The following PCSK6 variants were observed in gnomAD, a reference collection of about 807,000 sequenced individuals.
PCSK6 encodes the protein paired basic amino acid cleaving enzyme 4.
In PCSK6, 85 loss-of-function variants were observed where a neutral mutation model predicts 123.3. That is an observed-to-expected ratio of 0.69 (90% confidence interval 0.58 to 0.83). The LOEUF (loss-of-function observed/expected upper bound fraction) is 0.83, where lower values mean the gene tolerates loss of function less well. PCSK6 is among the 40% of genes least tolerant of loss of function. The probability of loss-of-function intolerance (pLI) is 0.00; values close to 1 mark genes in which losing one functional copy is unlikely to be tolerated. For missense variants in PCSK6, 1,191 were observed against 1,282.3 expected (o/e 0.93, Z 1.09); for synonymous variants, 508 against 516.0 (o/e 0.98, Z 0.21).
chr15:101,464,143 C>T (rs1349112806), intron 1 of PCSK6, among the ~76,000 whole-genome samples: 2 of 152,272 alleles, frequency 1.3e-5, no homozygotes, highest in Admixed American at 1.3e-4. Context: ...CTGCACAAAG[C>T]CTTCCCAGGC....
At chr15:101,328,181 G>A (rs1275156169) in intron 15 of PCSK6, among the ~76,000 whole-genome samples, 5 of 152,222 alleles carry the variant, frequency 3.3e-5, no homozygotes, top group African/African-American at 7.2e-5. Context: ...CCCAGCGAAC[G>A]CGGGGCTGTC....
At chr15:101,457,988 T>G (rs763858769) in intron 1 of PCSK6, among the ~76,000 whole-genome samples, 1 of 152,190 alleles carries the variant, frequency 6.6e-6, no homozygotes, top group Non-Finnish European at 1.5e-5. Context: ...TGACATCTGG[T>G]GTCTGCAATA....
chr15:101,421,595 C>T (rs1192478664), intron 6 of PCSK6, among the ~76,000 whole-genome samples: 3 of 152,146 alleles, frequency 2.0e-5, no homozygotes, highest in Non-Finnish European at 4.4e-5. Context: ...CTCAAGCAAC[C>T]CTCTGGAAAG....
chr15:101,324,905 G>A lies in PCSK6; in HGVS notation c.2322C>T (p.His774=), dbSNP rs371070130. The change falls in exon 17 of 22, where the codon CAC becomes CAT. Residue 774 remains histidine, a synonymous_variant. Transcript: ENST00000611716. ...GGGTCACACAGGTGTTCATCTCCTG[G>A]TGGTGATAGAACCCGCGGCGGCAAG... ...CLSCRRGFYH[H]QEMNTCVTLC... is the part of the protein sequence containing the mutation. 1.9e-6 allele frequency: 3 copies of A among 1,613,506 alleles called. No individual in the cohort carries two copies. In the African/African-American group the frequency reaches 4.0e-5, roughly 22 times the overall value.
chr15:101,339,282 C>A (rs1449713810), intron 13 of PCSK6, among the ~76,000 whole-genome samples: 1 of 152,160 alleles, frequency 6.6e-6, no homozygotes, highest in Non-Finnish European at 1.5e-5. Flanking sequence ...TGTCCCCATA[C>A]TTAAAATATG....
chr15:101,384,887 T>C (rs1167465450), intron 9 of PCSK6, among the ~76,000 whole-genome samples: 1 of 152,268 alleles, frequency 6.6e-6, no homozygotes, highest in Non-Finnish European at 1.5e-5. Flanking sequence ...CAAGATTTTA[T>C]ATATGATTCT....
chr15:101,342,654 C>A (rs1006208808), intron 13 of PCSK6, among the ~76,000 whole-genome samples: 4 of 152,230 alleles, frequency 2.6e-5, no homozygotes, highest in African/African-American at 4.8e-5. Context: ...GTAATCCCAG[C>A]ACTTTGGGAG....
At chr15:101,440,434 G>A (rs1375480776) in intron 2 of PCSK6, among the ~76,000 whole-genome samples, 2 of 151,860 alleles carry the variant, frequency 1.3e-5, no homozygotes, top group African/African-American at 4.9e-5. Flanking sequence ...ACACCCCCTT[G>A]AGTTTTGTTT....
chr15:101,312,967 TGCACTCCA>T, intron 20 of PCSK6: 4 of 1,051,436 alleles, frequency 3.8e-6, no homozygotes, highest in Non-Finnish European at 4.8e-6. Flanking sequence ...GTCACACCAG[TGCACTCCA>T]GCCTGGGCGA....
At chr15:101,391,808 C>T (rs62018972) in intron 8 of PCSK6, among the ~76,000 whole-genome samples, 12 of 151,728 alleles carry the variant, frequency 7.9e-5, no homozygotes, top group Middle Eastern at 3.2e-3. Flanking sequence ...TAACACCCCT[C>T]CTGTCAGAGC....
intron 1 of PCSK6, among the ~76,000 whole-genome samples, chr15:101,455,396 G>C (rs1175436753): frequency 1.3e-5 from 2 of 152,214 alleles, no homozygotes; most frequent in African/African-American, 4.8e-5. Context: ...CTATTGTGTG[G>C]TTTCCCTTAA....
chr15:101,326,608 T>TG, intron 15 of PCSK6, 129 bp from the exon 16 acceptor site: 2 of 852,442 alleles, frequency 2.3e-6, no homozygotes, highest in Non-Finnish European at 3.6e-6. Context: ...CCGCTGGGGC[T>TG]GGACGGCCAG....
At chr15:101,419,150 C>A (rs2055993480) in intron 6 of PCSK6, among the ~76,000 whole-genome samples, 1 of 150,776 alleles carries the variant, frequency 6.6e-6, no homozygotes, top group Admixed American at 6.6e-5. Context: ...GAGATAAAAC[C>A]ACCATTATAT....
chr15:101,308,487 G>C (rs2039775289), intron 20 of PCSK6: 1 of 152,294 alleles, frequency 6.6e-6, no homozygotes, highest in Non-Finnish European at 1.5e-5. Context: ...TGGAGCCCCA[G>C]GTGCAGCATC....
chr15:101,434,447 C>A (rs2056537590), intron 2 of PCSK6, among the ~76,000 whole-genome samples: 2 of 152,220 alleles, frequency 1.3e-5, no homozygotes, highest in Non-Finnish European at 2.9e-5. Context: ...TGTGGGAAAG[C>A]GTAGAGCCAG....
chr15:101,344,884 G>A (rs1333864590), intron 13 of PCSK6, among the ~76,000 whole-genome samples: 2 of 152,084 alleles, frequency 1.3e-5, no homozygotes, highest in Non-Finnish European at 2.9e-5. Context: ...TTGAATGCCT[G>A]ACTTCAAGTG....
At chr15:101,472,486 G>T (rs138194589) in intron 1 of PCSK6, among the ~76,000 whole-genome samples, 1 of 152,264 alleles carries the variant, frequency 6.6e-6, no homozygotes, top group African/African-American at 2.4e-5. Context: ...CTGACAGCAC[G>T]ATTCAAACAA....
chr15:101,437,253 T>C (rs1466744), intron 2 of PCSK6, among the ~76,000 whole-genome samples: 136,152 of 152,218 alleles, frequency 0.89, 61,236 homozygotes, highest in African/African-American at 0.95. Context: ...AGGGCCATCG[T>C]GACAAGTGAG....
chr15:101,452,305 T>C lies in PCSK6; in HGVS notation c.298-8645A>G, dbSNP rs527925921. On this transcript the variant is annotated intron_variant, in intron 1 of 21. Coordinates refer to ENST00000611716, the MANE Select transcript of PCSK6 (RefSeq NM_002570.5). ...GTGGTCTCGGCCTATATTTTCAAGG[T>C]CTACAAAAAGCTACCTGAAAAAACT... is the stretch of plus-strand genomic sequence containing the variant. Among the ~76,000 whole-genome samples the C allele has an allele frequency of 4.6e-5, 7 of 152,336 alleles. No individual in the cohort carries two copies. The South Asian group carries it at 1.5e-3, about 32-fold the overall frequency.
Sources: gnomAD v4.1 joint callset for allele counts (sites outside exome capture counted in the v4.1 genomes callset) on GRCh38, gnomAD v4.1.1 for gene constraint, MANE v1.5 for transcripts, NCBI Gene and HGNC (gene_info 2026-07-23, HGNC 2026-07-21) for gene names.